The following ACOXL variants were observed in gnomAD, a reference collection of about 807,000 sequenced individuals.
ACOXL encodes acyl-CoA oxidase like.
Under a neutral mutation model 71.9 loss-of-function variants are expected in ACOXL, and 70 were observed. The observed-to-expected ratio is 0.97, with a 90% CI of 0.80 to 1.19. The LOEUF (loss-of-function observed/expected upper bound fraction) is 1.19, where lower values mean the gene tolerates loss of function less well. Among genes scored for constraint, ACOXL ranks in the 50% most tolerant of loss-of-function variants. The pLI, the probability that ACOXL is intolerant of heterozygous loss-of-function variation, is 0.00. For synonymous variants in ACOXL, 253 were observed against 281.6 expected (o/e 0.90, Z 1.02); for missense variants, 703 against 736.3 (o/e 0.95, Z 0.52).
At chr2:110,851,995 G>A (rs1692661707) in intron 10 of ACOXL, among the ~76,000 whole-genome samples, 1 of 152,230 alleles carries the variant, frequency 6.6e-6, no homozygotes, top group South Asian at 2.1e-4. Context: ...GAGCTTGGAG[G>A]AAGCCCCCAG....
intron 16 of ACOXL, among the ~76,000 whole-genome samples, chr2:111,082,464 C>T (rs1002284003): frequency 6.6e-6 from 1 of 152,018 alleles, no homozygotes; most frequent in Non-Finnish European, 1.5e-5. Context: ...AAATCAAAAC[C>T]ACAATGAGAT....
intron 10 of ACOXL, among the ~76,000 whole-genome samples, chr2:110,907,002 A>C (rs2059476095): frequency 6.6e-6 from 1 of 152,256 alleles, no homozygotes; most frequent in Non-Finnish European, 1.5e-5. Context: ...TGAGAGGAAC[A>C]CATGGAATTT....
At chr2:110,933,765 TG>T (rs1477464017) in intron 12 of ACOXL, 123 bp downstream of exon 12, 4 of 1,275,152 alleles carry the variant, frequency 3.1e-6, no homozygotes, top group African/African-American at 1.5e-5. Flanking sequence ...CCCATGACTC[TG>T]GGTTCCTTCC....
chr2:111,089,867 CTGGATATTGCTTTTAGTT>C (rs1342491267), intron 16 of ACOXL, among the ~76,000 whole-genome samples: 1 of 152,232 alleles, frequency 6.6e-6, no homozygotes, highest in Non-Finnish European at 1.5e-5. Flanking sequence ...TGAGACAACA[CTGGATATTGCTTTTAGTT>C]TTATAAGACA....
chr2:110,946,198 T>C (rs542278700), intron 12 of ACOXL, among the ~76,000 whole-genome samples: 3 of 152,256 alleles, frequency 2.0e-5, no homozygotes, highest in Non-Finnish European at 4.4e-5. Context: ...ACGTTGCTGG[T>C]GTATAGATGC....
intron 10 of ACOXL, among the ~76,000 whole-genome samples, chr2:110,898,564 C>G (rs2059106870): frequency 1.3e-5 from 2 of 152,274 alleles, no homozygotes; most frequent in Non-Finnish European, 2.9e-5. Flanking sequence ...AACACTCATT[C>G]AAGGAAGACT....
intron 10 of ACOXL, among the ~76,000 whole-genome samples, chr2:110,883,107 G>GCT (rs1696861930): frequency 9.2e-6 from 1 of 109,266 alleles, no homozygotes; most frequent in Non-Finnish European, 1.8e-5. Flanking sequence ...TTTGTCACTG[G>GCT]TTTTTTTTTT....
chr2:111,038,799 T>G (rs1163928950), intron 15 of ACOXL, among the ~76,000 whole-genome samples: 4 of 152,250 alleles, frequency 2.6e-5, no homozygotes, highest in Non-Finnish European at 5.9e-5. Context: ...ACATTTAAAT[T>G]TAGGTTTTAA....
chr2:111,041,051 G>A (rs887107201), intron 15 of ACOXL, among the ~76,000 whole-genome samples: 3 of 152,094 alleles, frequency 2.0e-5, no homozygotes, highest in Admixed American at 1.3e-4. Context: ...GAGGGCAAAG[G>A]GGCCTGGAGG....
intron 14 of ACOXL, among the ~76,000 whole-genome samples, chr2:111,000,753 G>C (rs541663720): frequency 6.6e-6 from 1 of 152,098 alleles, no homozygotes; most frequent in Non-Finnish European, 1.5e-5. Context: ...ATAAGTCTCT[G>C]TTGTCTCTTC....
intron 12 of ACOXL, among the ~76,000 whole-genome samples, chr2:110,959,997 T>C (rs1382562568): frequency 6.6e-6 from 1 of 152,136 alleles, no homozygotes; most frequent in African/African-American, 2.4e-5. Flanking sequence ...ATAAGGCTGC[T>C]TGTCTTAAAT....
intron 12 of ACOXL, among the ~76,000 whole-genome samples, chr2:110,939,163 G>A (rs115351988): frequency 0.011 from 1,714 of 152,292 alleles, 40 homozygotes; most frequent in African/African-American, 0.04. Context: ...GCTAACTTTA[G>A]TGTTTGTTGC....
intron 1 of ACOXL, among the ~76,000 whole-genome samples, chr2:110,736,529 T>G (rs545970057): frequency 1.3e-5 from 2 of 152,348 alleles, no homozygotes; most frequent in South Asian, 4.1e-4. Context: ...GTCCTGGAGG[T>G]TCATCCATGT....
intron 3 of ACOXL, among the ~76,000 whole-genome samples, chr2:110,790,655 C>T (rs1454304262): frequency 6.6e-6 from 1 of 152,184 alleles, no homozygotes; most frequent in African/African-American, 2.4e-5. Context: ...CTCTCTGTGT[C>T]CTGTTCCCTG....
chr2:110,803,761 A>T (rs558515912), intron 8 of ACOXL, among the ~76,000 whole-genome samples: 2 of 152,370 alleles, frequency 1.3e-5, no homozygotes, highest in Non-Finnish European at 2.9e-5. Context: ...TTTGTAAGTC[A>T]TATATATTAA....
chr2:111,019,702 C>T (rs61145952), intron 14 of ACOXL, among the ~76,000 whole-genome samples: 10,338 of 152,154 alleles, frequency 0.068, 444 homozygotes, highest in East Asian at 0.22. Context: ...TTTATATTGC[C>T]GGACTCCAGA....
intron 11 of ACOXL, among the ~76,000 whole-genome samples, chr2:110,925,023 A>AC (rs1359233975): frequency 6.6e-6 from 1 of 152,186 alleles, no homozygotes; most frequent in African/African-American, 2.4e-5. Flanking sequence ...CTCCTAAGTG[A>AC]CCAGGTGCAT....
In ACOXL at chr2:111,078,020, C is replaced by T. The variant is rs6715796; in HGVS notation, c.1441-14845C>T. Among the ~76,000 whole-genome samples the T allele has an allele frequency of 1.4e-3, 220 of 152,244 alleles. 1 individual carries two copies. The highest frequency in any genetic ancestry group is 5.0e-3 in the African/African-American group (206 of 41,540). ...TACTGCCTTCTTTCTCCTCTCCTTC[C>T]GTGATTCCAATGACATGAAGGTTAG... On this transcript the variant is annotated intron_variant, in intron 16 of 17. Coordinates refer to ENST00000439055, the MANE Select transcript of ACOXL (RefSeq NM_001142807.4).
intron 10 of ACOXL, among the ~76,000 whole-genome samples, chr2:110,846,484 C>A (rs79597433): frequency 0.014 from 2,074 of 152,230 alleles, 33 homozygotes; most frequent in East Asian, 0.058. Context: ...CGGAGGGGCT[C>A]TTGTGTGGCA....
Sources: allele counts gnomAD v4.1 joint callset (sites outside exome capture counted in the v4.1 genomes callset), GRCh38; gene constraint gnomAD v4.1.1; transcripts MANE v1.5; gene names NCBI Gene and HGNC (gene_info 2026-07-23, HGNC 2026-07-21).